The following MINDY3 variants were observed in gnomAD, a reference collection of about 807,000 sequenced individuals.
MINDY3 encodes ubiquitin carboxyl-terminal hydrolase MINDY-3.
Under a neutral mutation model 69.2 loss-of-function variants are expected in MINDY3, and 38 were observed. The ratio of observed to expected loss-of-function variants is 0.55; its 90% CI spans 0.42 to 0.72. MINDY3 has a LOEUF of 0.72. MINDY3 is among the 30% of genes least tolerant of loss of function. MINDY3 has a pLI of 0.00. For synonymous variants in MINDY3, 192 were observed against 180.1 expected (o/e 1.07, Z -0.53); for missense variants, 522 against 519.0 (o/e 1.01, Z -0.06).
At chr10:15,785,806 A>G (rs1195720361) in intron 13 of MINDY3, among the ~76,000 whole-genome samples, 1 of 152,082 alleles carries the variant, frequency 6.6e-6, no homozygotes, top group Non-Finnish European at 1.5e-5. Context: ...TTGCTTTTAA[A>G]TTTTTTCTAT....
chr10:15,856,559 T>C (rs1834706722), intron 1 of MINDY3, among the ~76,000 whole-genome samples: 1 of 152,096 alleles, frequency 6.6e-6, no homozygotes, highest in Admixed American at 6.6e-5. Flanking sequence ...GTTTACACTC[T>C]CCCTCAGGCG....
At chr10:15,799,730 G>A (rs1838119276) in intron 10 of MINDY3, among the ~76,000 whole-genome samples, 1 of 152,080 alleles carries the variant, frequency 6.6e-6, no homozygotes, top group South Asian at 2.1e-4. Context: ...AGAAAAGGAG[G>A]ACTTAGGAAG....
At chr10:15,817,133 AAAC>A (rs1360406366) in intron 9 of MINDY3, 9 of 470,338 alleles carry the variant, frequency 1.9e-5, no homozygotes, top group Admixed American at 1.6e-4. Context: ...TTTGACATTA[AAAC>A]AACAACAATA....
chr10:15,837,386 T>C, intron 5 of MINDY3, 68 bp from the exon 6 acceptor site: 4 of 1,327,494 alleles, frequency 3.0e-6, no homozygotes, highest in Non-Finnish European at 4.2e-6. Flanking sequence ...AAGGGAAAAT[T>C]TTTAAATTTT....
At chr10:15,826,992 C>T (rs369341508) in intron 8 of MINDY3, among the ~76,000 whole-genome samples, 10 of 151,772 alleles carry the variant, frequency 6.6e-5, no homozygotes, top group East Asian at 3.9e-4. Context: ...TGATGGTGCA[C>T]GTCTGTAGTC....
chr10:15,791,754 A>G (rs1837437527), intron 11 of MINDY3, among the ~76,000 whole-genome samples: 1 of 152,168 alleles, frequency 6.6e-6, no homozygotes, highest in Non-Finnish European at 1.5e-5. Context: ...CTGATGAAGG[A>G]CAGTGAAAGT....
At chr10:15,830,352 T>C (rs190050613) in intron 8 of MINDY3, among the ~76,000 whole-genome samples, 2 of 152,300 alleles carry the variant, frequency 1.3e-5, no homozygotes, top group Admixed American at 6.5e-5. Flanking sequence ...TCTCACCTCA[T>C]TCTAACTATC....
At position 15,796,109 on chromosome 10, in the gene MINDY3, C is replaced by T. The variant is rs746264268; in HGVS notation, c.946G>A (p.Asp316Asn). Reference protein sequence around the residue: ...EQARRVFQTYDPEDNGFIPDS... With the variant: ...EQARRVFQTYNPEDNGFIPDS... Reference sequence around the variant, plus strand: ...TGTTAAAATCTTTTACCTTCTGGGTCGTAGGTTTGAAAAACTCTTCTGGCT... The same window carrying T: ...TGTTAAAATCTTTTACCTTCTGGGTTGTAGGTTTGAAAAACTCTTCTGGCT... The change falls in exon 11 of 15, where the codon GAC becomes AAC. Residue 316 changes from aspartate to asparagine, a missense_variant. Transcript: ENST00000277632. 5.6e-6 allele frequency: 9 copies of T among 1,611,908 alleles called. No individual in the cohort carries two copies. The South Asian group carries it at 7.7e-5, about 14-fold the overall frequency.
rs751754202 is a variant in MINDY3 at position 15,782,131 on chromosome 10, C to T, written c.1188+24G>A. The T allele has an allele frequency of 1.9e-5, 30 of 1,553,220 alleles. 2 individuals carry two copies. Among genetic ancestry groups the T allele is most frequent in the Admixed American group, 1.2e-4 (7 of 58,902 alleles). Reference sequence around the variant, plus strand: ...TTATTTCATCAACCCAGTTGAACACCGACGACTACGTGAATTATCATACCT... The same window carrying T: ...TTATTTCATCAACCCAGTTGAACACTGACGACTACGTGAATTATCATACCT... On this transcript the variant is annotated intron_variant, in intron 14 of 14. Transcript: ENST00000277632.
chr10:15,837,323 G>C lies in MINDY3; in HGVS notation c.462-5C>G. The stretch of plus-strand genomic sequence containing the variant: ...AAACTTCTGAACGATCTTTTTCTGG[G>C]GGAAAAAAAGAATTAAGTATTGGTA... On this transcript the variant is annotated splice_region_variant and splice_polypyrimidine_tract_variant and intron_variant, in intron 5 of 14. Transcript: ENST00000277632. 2.6e-6 allele frequency: 4 copies of C among 1,561,902 alleles called. No homozygotes were observed. Among genetic ancestry groups the C allele is most frequent in the South Asian group, 1.2e-5 (1 of 84,966 alleles).
At chr10:15,828,062 T>C (rs1341821190) in intron 8 of MINDY3, among the ~76,000 whole-genome samples, 1 of 152,218 alleles carries the variant, frequency 6.6e-6, no homozygotes, top group Non-Finnish European at 1.5e-5. Context: ...TGAGTTACCG[T>C]ATGACCCAGG....
intron 2 of MINDY3, among the ~76,000 whole-genome samples, chr10:15,846,648 G>A (rs1032142352): frequency 1.3e-5 from 2 of 151,494 alleles, no homozygotes; most frequent in African/African-American, 4.9e-5. Flanking sequence ...TTTTAATAAT[G>A]TAAGTATTAT....
chr10:15,794,710 T>C (rs1047787953), intron 11 of MINDY3, among the ~76,000 whole-genome samples: 1 of 152,078 alleles, frequency 6.6e-6, no homozygotes, highest in African/African-American at 2.4e-5. Flanking sequence ...TTTTCCTTGG[T>C]ACACTGTAAA....
At chr10:15,813,195 G>C (rs561748835) in intron 10 of MINDY3, among the ~76,000 whole-genome samples, 187 of 152,164 alleles carry the variant, frequency 1.2e-3, no homozygotes, top group African/African-American at 4.4e-3. Flanking sequence ...TAGTATCAAA[G>C]AGTAACATGG....
chr10:15,831,714 T>TGCTCAGGC (rs1245312502), intron 8 of MINDY3, among the ~76,000 whole-genome samples: 1 of 150,130 alleles, frequency 6.7e-6, no homozygotes, highest in East Asian at 1.9e-4. Context: ...CTCGCTCTAT[T>TGCTCAGGC]GCTCAGGCTG....
chr10:15,785,320 G>T (rs1010590073), intron 13 of MINDY3, among the ~76,000 whole-genome samples: 2 of 152,044 alleles, frequency 1.3e-5, no homozygotes, highest in African/African-American at 4.8e-5. Context: ...AAAGAGAAGG[G>T]ACTAGAACCC....
intron 6 of MINDY3, 36 bp from the exon 7 acceptor site, chr10:15,834,652 A>C: frequency 6.9e-7 from 1 of 1,439,612 alleles, no homozygotes; most frequent in Non-Finnish European, 9.7e-7. Flanking sequence ...ATTTTAAAAA[A>C]CTAAAATGAA....
chr10:15,847,821 T>C (rs781003295), intron 2 of MINDY3, 43 bp downstream of exon 2: 33 of 1,430,642 alleles, frequency 2.3e-5, no homozygotes, highest in Non-Finnish European at 3.2e-5. Context: ...ATGAAACGTT[T>C]CAAAATGTCC....
chr10:15,811,563 A>G (rs1287808283), intron 10 of MINDY3, among the ~76,000 whole-genome samples: 1 of 152,172 alleles, frequency 6.6e-6, no homozygotes, highest in Non-Finnish European at 1.5e-5. Context: ...AAGCAGTGGT[A>G]TATGTATTTG....
Sources: allele counts gnomAD v4.1 joint callset (sites outside exome capture counted in the v4.1 genomes callset), GRCh38; gene constraint gnomAD v4.1.1; transcripts MANE v1.5; gene names NCBI Gene and HGNC (gene_info 2026-07-23, HGNC 2026-07-21).